Variants in GATAD2A observed in about 807,000 individuals in gnomAD.
GATAD2A encodes the protein GATA zinc finger domain containing 2A.
A neutral mutation model predicts 68.5 loss-of-function variants in GATAD2A; 12 were observed. The observed-to-expected ratio is 0.18, with a 90% CI of 0.11 to 0.28. The LOEUF (loss-of-function observed/expected upper bound fraction) is 0.28. Among genes scored for constraint, GATAD2A ranks in the 10% least tolerant of loss-of-function variants. The pLI is 1.00. For missense variants in GATAD2A, 755 were observed against 868.5 expected, an observed-to-expected ratio of 0.87 and a Z score of 1.64; for synonymous variants, 410 against 375.3, an observed-to-expected ratio of 1.09 and a Z score of -1.07.
chr19:19,489,790 A>G (rs2059664447), intron 2 of GATAD2A, among the ~76,000 whole-genome samples: 1 of 152,230 alleles, frequency 6.6e-6, no homozygotes, highest in African/African-American at 2.4e-5. Context: ...TAGCCCAGGA[A>G]TTGTGTCTGT....
intron 1 of GATAD2A, 143 bp from the exon 2 acceptor site, chr19:19,465,197 T>C: frequency 2.9e-6 from 2 of 683,672 alleles, no homozygotes; most frequent in Middle Eastern, 5.0e-4. Flanking sequence ...GGGATGCTTT[T>C]CTGGGCCCTG....
chr19:19,434,060 AC>A lies in GATAD2A; in HGVS notation c.-7+28042del, dbSNP rs1196727637. ...AGTGCTGTAATTAGAGGCATGAGCC[AC>A]TGTGCCCGGCCTTCTTTCATTTTTC... On this transcript the variant is annotated intron_variant, in intron 1 of 11. Coordinates refer to ENST00000683918, the MANE Select transcript of GATAD2A (RefSeq NM_001384528.1). Among the ~76,000 whole-genome samples the A allele has an allele frequency of 2.0e-5, 3 of 152,218 alleles. No homozygotes were observed. In the East Asian group the frequency reaches 5.8e-4, roughly 29 times the overall value.
intron 1 of GATAD2A, among the ~76,000 whole-genome samples, chr19:19,430,980 T>G (rs56395711): frequency 0.12 from 14,321 of 121,056 alleles, 824 homozygotes; most frequent in Middle Eastern, 0.24. Context: ...GGTAGGGGTG[T>G]GTGTGTGTGT....
intron 1 of GATAD2A, chr19:19,456,989 C>A: frequency 2.0e-6 from 1 of 489,458 alleles, no homozygotes; most frequent in Non-Finnish European, 2.7e-6. Flanking sequence ...GATCCCCATG[C>A]TTCTATTAAT....
intron 1 of GATAD2A, among the ~76,000 whole-genome samples, chr19:19,455,693 C>G (rs2056860186): frequency 6.6e-6 from 1 of 152,098 alleles, no homozygotes; most frequent in East Asian, 1.9e-4. Flanking sequence ...CATTTTATAT[C>G]TGGGATTGAG....
intron 5 of GATAD2A, among the ~76,000 whole-genome samples, chr19:19,494,718 A>G (rs1417315586): frequency 6.6e-6 from 1 of 152,232 alleles, no homozygotes; most frequent in Non-Finnish European, 1.5e-5. Flanking sequence ...CAGGGCCTCC[A>G]GGTGAGGGGC....
chr19:19,466,758 TCTG>T (rs1254637385), intron 2 of GATAD2A, among the ~76,000 whole-genome samples: 5 of 152,248 alleles, frequency 3.3e-5, no homozygotes, highest in African/African-American at 1.2e-4. Context: ...TCTGTCTGAC[TCTG>T]CTGTCTGCAG....
At chr19:19,399,097 G>A (rs1034650448) in intron 1 of GATAD2A, among the ~76,000 whole-genome samples, 8 of 152,114 alleles carry the variant, frequency 5.3e-5, no homozygotes, top group African/African-American at 1.9e-4. Flanking sequence ...GGTGGCCCAC[G>A]CCTGTAATCT....
chr19:19,486,767 G>A (rs547830598), intron 2 of GATAD2A, among the ~76,000 whole-genome samples: 30 of 152,276 alleles, frequency 2.0e-4, no homozygotes, highest in Middle Eastern at 3.4e-3. Flanking sequence ...GCAGCCAGCC[G>A]GCTGTCTAAG....
chr19:19,432,228 A>G (rs1409225948), intron 1 of GATAD2A, among the ~76,000 whole-genome samples: 1 of 152,028 alleles, frequency 6.6e-6, no homozygotes, highest in African/African-American at 2.4e-5. Context: ...ACCTGCCTCC[A>G]TTTCCCAAAA....
intron 2 of GATAD2A, 46 bp downstream of exon 2, chr19:19,465,660 C>T: frequency 6.5e-7 from 1 of 1,547,022 alleles, no homozygotes; most frequent in Non-Finnish European, 8.7e-7. Flanking sequence ...TGGAGACAAG[C>T]CCAGTGTGCC....
chr19:19,414,837 CTTT>C (rs56353005), intron 1 of GATAD2A, among the ~76,000 whole-genome samples: 4 of 74,768 alleles, frequency 5.3e-5, no homozygotes, highest in Non-Finnish European at 7.6e-5. Flanking sequence ...ACCCTGCCCC[CTTT>C]TTTTTTTTTT....
At chr19:19,499,282 G>A (rs1156930597) in intron 8 of GATAD2A, among the ~76,000 whole-genome samples, 3 of 152,238 alleles carry the variant, frequency 2.0e-5, no homozygotes, top group Non-Finnish European at 4.4e-5. Context: ...GAGTGGCCGA[G>A]TTGGCCCCCA....
chr19:19,478,930 TACTC>T (rs2058863953), intron 2 of GATAD2A, among the ~76,000 whole-genome samples: 2 of 152,228 alleles, frequency 1.3e-5, no homozygotes, highest in Non-Finnish European at 2.9e-5. Context: ...ATCTCTTTAA[TACTC>T]AGCTTACTAA....
rs78383610 is a variant in GATAD2A, at chr19:19,424,823, A to T, written c.-7+18804A>T. 2.8e-4 allele frequency among the ~76,000 whole-genome samples: 43 copies of T among 152,006 alleles called. No individual in the cohort carries two copies. In the East Asian group the frequency reaches 8.2e-3, roughly 29 times the overall value. On this transcript the variant is annotated intron_variant, in intron 1 of 11. Coordinates refer to ENST00000683918, the MANE Select transcript of GATAD2A (RefSeq NM_001384528.1). Reference sequence around the variant, plus strand: ...GTTAGGTGTTGTTCCTGCTTGAAAAACAAACTTGAGCTGGGTGTGGTGGCT... The same window carrying T: ...GTTAGGTGTTGTTCCTGCTTGAAAATCAAACTTGAGCTGGGTGTGGTGGCT...
rs949113291 is a variant in GATAD2A, at chr19:19,506,426, C to A, written c.*952C>A. On this transcript the variant is annotated 3_prime_UTR_variant, in exon 12 of 12. Coordinates refer to ENST00000683918, the MANE Select transcript of GATAD2A (RefSeq NM_001384528.1). ...ATTTTTTCCTTTTTTCTATTCATTT[C>A]GATGGACGCAATCTTAAGCCACCCT... is the stretch of plus-strand genomic sequence containing the variant. 3 of 298,392 alleles carry A rather than the reference C, an allele frequency of 1.0e-5. No individual in the cohort carries two copies. The highest frequency in any genetic ancestry group is 6.1e-6 in the Non-Finnish European group (1 of 163,966). 18.5% of individuals were successfully genotyped at this position (298,392 alleles called of 1,614,324 possible).
chr19:19,483,781 AT>A (rs540958459), intron 2 of GATAD2A, among the ~76,000 whole-genome samples: 27,156 of 129,972 alleles, frequency 0.21, 2,847 homozygotes, highest in African/African-American at 0.36. Context: ...TACCCGGCTA[AT>A]TTTTTTTTTT....
intron 8 of GATAD2A, among the ~76,000 whole-genome samples, chr19:19,499,272 G>A (rs1186032441): frequency 1.3e-5 from 2 of 152,232 alleles, no homozygotes; most frequent in African/African-American, 4.8e-5. Flanking sequence ...GGGTGGATCT[G>A]AGTGGCCGAG....
At chr19:19,387,730 C>T (rs1194813912) in intron 1 of GATAD2A, among the ~76,000 whole-genome samples, 3 of 152,110 alleles carry the variant, frequency 2.0e-5, no homozygotes, top group Non-Finnish European at 4.4e-5. Context: ...TTACCAGTAT[C>T]CTTCTTTTCT....
Sources: gnomAD v4.1 joint callset for allele counts (sites outside exome capture counted in the v4.1 genomes callset) on GRCh38, gnomAD v4.1.1 for gene constraint, MANE v1.5 for transcripts, NCBI Gene and HGNC (gene_info 2026-07-23, HGNC 2026-07-21) for gene names.